IL22RA2: variants seen among roughly 807,000 people sequenced by gnomAD.
The protein encoded by IL22RA2 is interleukin-22 receptor subunit alpha-2.
IL22RA2 carries 39 observed loss-of-function variants against 30.7 expected under a neutral mutation model. The ratio of observed to expected loss-of-function variants is 1.27; its 90% CI spans 0.98 to 1.66. The LOEUF is 1.66. IL22RA2 is among the 40% of genes most tolerant of loss of function. The pLI, the probability that IL22RA2 is intolerant of heterozygous loss-of-function variation, is 0.00. For missense variants in IL22RA2, 315 were observed against 312.7 expected (o/e 1.01, Z -0.05); for synonymous variants, 103 against 105.0 (o/e 0.98, Z 0.11).
chr6:137,150,211 CTA>C (rs1778260677), intron 5 of IL22RA2, among the ~76,000 whole-genome samples: 6 of 152,152 alleles, frequency 3.9e-5, no homozygotes, highest in Admixed American at 3.9e-4. Context: ...GCTCATTAGT[CTA>C]TATCACAGAT....
chr6:137,170,126 T>A (rs1241969808), intron 1 of IL22RA2, among the ~76,000 whole-genome samples: 2 of 152,122 alleles, frequency 1.3e-5, no homozygotes, highest in African/African-American at 4.8e-5. Context: ...CATACCACCA[T>A]CCGAATAAAG....
At chr6:137,147,303 A>T (rs1181475945) in intron 6 of IL22RA2, among the ~76,000 whole-genome samples, 2 of 149,752 alleles carry the variant, frequency 1.3e-5, no homozygotes, top group African/African-American at 4.9e-5. Flanking sequence ...TAGAGGCTAC[A>T]GTGAGCTATG....
At chr6:137,166,666 G>T (rs1778632996) in intron 1 of IL22RA2, among the ~76,000 whole-genome samples, 1 of 152,226 alleles carries the variant, frequency 6.6e-6, no homozygotes, top group Non-Finnish European at 1.5e-5. Context: ...GAAAGTGGAA[G>T]TTACCAGAAA....
intron 2 of IL22RA2, 134 bp from the exon 3 acceptor site, chr6:137,158,616 C>A (rs754151454): frequency 2.3e-4 from 189 of 820,846 alleles, no homozygotes; most frequent in Non-Finnish European, 3.4e-4. Context: ...AGAGGTGGAG[C>A]CCAGAAATCA....
chr6:137,147,971 A>G, intron 5 of IL22RA2, 80 bp from the exon 6 acceptor site: 1 of 1,316,544 alleles, frequency 7.6e-7, no homozygotes, highest in South Asian at 1.2e-5. Context: ...ATGACAAATC[A>G]GCATGGTGGG....
chr6:137,144,709 A>G lies in IL22RA2; in HGVS notation c.*915T>C, dbSNP rs905960870. 1 of 152,194 alleles carries G rather than the reference A, an allele frequency of 6.6e-6. No individual in the cohort carries two copies. Among genetic ancestry groups the G allele is most frequent in the East Asian group, 1.9e-4 (1 of 5,198 alleles). The allele number at this position is 152,194 out of a possible 1,614,324, so 9.4% of individuals were successfully genotyped here. On this transcript the variant is annotated 3_prime_UTR_variant, in exon 7 of 7. Coordinates refer to ENST00000296980, the MANE Select transcript of IL22RA2 (RefSeq NM_052962.3). The stretch of plus-strand genomic sequence containing the variant: ...ATGGGGTCGACCCCAGCAGTTCCCA[A>G]TAAACCATCATTCATGGGATCCTCC...
At position 137,173,528 on chromosome 6, in the gene IL22RA2, T is replaced by G. The variant is rs1778784825; in HGVS notation, c.-181A>C. The G allele has an allele frequency of 6.6e-6, 1 of 152,254 alleles. No individual in the cohort carries two copies. The highest frequency in any genetic ancestry group is 1.5e-5 in the Non-Finnish European group (1 of 68,048). 9.4% of individuals were successfully genotyped at this position (152,254 alleles called of 1,614,324 possible). A position where few individuals can be genotyped will look rare whatever the true frequency, so the allele number is the denominator to read the frequency against. Reference sequence around the variant, plus strand: ...CATATTTTGTCTTTGTTAATCCTCTTATGAAGTCTAGGAGATTGGTATTAT... The same window carrying G: ...CATATTTTGTCTTTGTTAATCCTCTGATGAAGTCTAGGAGATTGGTATTAT... On this transcript the variant is annotated 5_prime_UTR_variant, in exon 1 of 7. Coordinates refer to ENST00000296980, the MANE Select transcript of IL22RA2 (RefSeq NM_052962.3).
At chr6:137,164,194 C>T (rs1015660680) in intron 1 of IL22RA2, among the ~76,000 whole-genome samples, 4 of 152,154 alleles carry the variant, frequency 2.6e-5, no homozygotes, top group African/African-American at 9.7e-5. Context: ...GCTAACTTCA[C>T]AGAAACTGAG....
intron 5 of IL22RA2, among the ~76,000 whole-genome samples, chr6:137,151,780 C>G (rs970828822): frequency 1.3e-5 from 2 of 151,978 alleles, no homozygotes; most frequent in Non-Finnish European, 2.9e-5. Context: ...TACAAAATAG[C>G]CAATAAGCAT....
At chr6:137,158,056 T>C (rs1421709237) in intron 3 of IL22RA2, among the ~76,000 whole-genome samples, 1 of 152,174 alleles carries the variant, frequency 6.6e-6, no homozygotes, top group Non-Finnish European at 1.5e-5. Flanking sequence ...CTGACAAATC[T>C]ATATTGAGAA....
rs2114347431 is a variant in IL22RA2, at chr6:137,147,525, G to A, written c.642+197C>T. Among the ~76,000 whole-genome samples, 2 of 152,218 alleles carry A rather than the reference G, an allele frequency of 1.3e-5. 1 individual carries two copies. Among genetic ancestry groups the A allele is most frequent in the South Asian group, 4.1e-4 (2 of 4,828 alleles). On this transcript the variant is annotated intron_variant, in intron 6 of 6. Coordinates refer to ENST00000296980, the MANE Select transcript of IL22RA2 (RefSeq NM_052962.3). ...AGACTGTAGAGACAAACCGGAGGAT[G>A]GAAAGGGCACACACACATTCTGATG...
chr6:137,147,841 A>G lies in IL22RA2; in HGVS notation c.523T>C (p.Leu175=). 1.9e-6 allele frequency: 3 copies of G among 1,613,588 alleles called. No individual in the cohort carries two copies. Among genetic ancestry groups the G allele is most frequent in the South Asian group, 1.1e-5 (1 of 91,018 alleles). The change falls in exon 6 of 7, where the codon TTG becomes CTG. Residue 175 remains leucine (L), a synonymous_variant. Transcript: ENST00000296980. ...MNITQVNGSL[L]VILHAPNLPY... is the part of the protein sequence containing the mutation. ...AAATTTGGAGCATGGAGAATTACCAACAAAGAGCCATTGACTTGGGTTATA... is the reference window on the plus strand; with the variant it reads ...AAATTTGGAGCATGGAGAATTACCAGCAAAGAGCCATTGACTTGGGTTATA...
intron 1 of IL22RA2, among the ~76,000 whole-genome samples, chr6:137,162,766 A>G (rs1293098378): frequency 6.6e-6 from 1 of 152,212 alleles, no homozygotes; most frequent in Non-Finnish European, 1.5e-5. Flanking sequence ...AAAGGCTGAC[A>G]TATCCAGTTT....
intron 5 of IL22RA2, among the ~76,000 whole-genome samples, chr6:137,152,723 A>G (rs982273288): frequency 6.6e-6 from 1 of 152,256 alleles, no homozygotes; most frequent in Non-Finnish European, 1.5e-5. Context: ...TTATATCTCA[A>G]TAAGGCTGTT....
chr6:137,154,643 A>G (rs1442168193), intron 5 of IL22RA2, among the ~76,000 whole-genome samples: 1 of 151,994 alleles, frequency 6.6e-6, no homozygotes, highest in Non-Finnish European at 1.5e-5. Flanking sequence ...ACACACACAC[A>G]CAAGGTGACA....
chr6:137,149,015 CTT>C (rs2114351020), intron 5 of IL22RA2, among the ~76,000 whole-genome samples: 1 of 152,304 alleles, frequency 6.6e-6, no homozygotes, highest in East Asian at 1.9e-4. Flanking sequence ...GCACTTTACT[CTT>C]TAACAGCTCT....
intron 2 of IL22RA2, 104 bp downstream of exon 2, chr6:137,161,585 A>G: frequency 1.2e-6 from 1 of 866,496 alleles, no homozygotes; most frequent in Non-Finnish European, 1.9e-6. Context: ...CAAAAGCTGC[A>G]GCCTTTATAA....
intron 1 of IL22RA2, among the ~76,000 whole-genome samples, chr6:137,169,755 C>A (rs1307078105): frequency 2.0e-5 from 3 of 152,192 alleles, no homozygotes; most frequent in Non-Finnish European, 4.4e-5. Context: ...GCTAGCCATA[C>A]AGGCAACCCA....
chr6:137,149,086 C>T (rs1384695095), intron 5 of IL22RA2, among the ~76,000 whole-genome samples: 1 of 152,182 alleles, frequency 6.6e-6, no homozygotes, highest in East Asian at 1.9e-4. Context: ...CAGATTTCCT[C>T]CTACCTCTTT....
Sources: allele counts gnomAD v4.1 joint callset (sites outside exome capture counted in the v4.1 genomes callset), GRCh38; gene constraint gnomAD v4.1.1; transcripts MANE v1.5; gene names NCBI Gene and HGNC (gene_info 2026-07-23, HGNC 2026-07-21).